The following COQ7 variants were observed in gnomAD, a reference collection of about 807,000 sequenced individuals.
COQ7 encodes the protein coenzyme Q7, hydroxylase.
COQ7 carries 21 observed loss-of-function variants against 25.0 expected under a neutral mutation model. That is an observed-to-expected ratio of 0.84 (90% CI 0.60 to 1.21). The LOEUF is 1.21. Among genes scored for constraint, COQ7 ranks in the 50% most tolerant of loss-of-function variants. COQ7 has a pLI of 0.00. For missense variants in COQ7, 311 were observed against 296.2 expected (o/e 1.05, Z -0.37); for synonymous variants, 125 against 112.4 (o/e 1.11, Z -0.71).
chr16:19,068,896 A>G (rs1221977556), intron 1 of COQ7: 3 of 316,674 alleles, frequency 9.5e-6, no homozygotes, highest in Non-Finnish European at 1.9e-5. Context: ...ATCATTAAAA[A>G]AAAACAAACA....
At chr16:19,073,307 T>TCAAAAAAA in intron 2 of COQ7, among the ~76,000 whole-genome samples, 1 of 16,496 alleles carries the variant, frequency 6.1e-5, no homozygotes, top group Non-Finnish European at 2.3e-4. Flanking sequence ...AGACTCCGTC[T>TCAAAAAAA]CAAAAAAACA....
intron 3 of COQ7, among the ~76,000 whole-genome samples, chr16:19,074,425 T>C (rs1356617441): frequency 1.3e-5 from 2 of 151,954 alleles, no homozygotes; most frequent in Non-Finnish European, 2.9e-5. Context: ...CTTGGGAGGC[T>C]GAGGCCAGAG....
At position 19,078,998 on chromosome 16, in the gene COQ7, T is replaced by G. The variant is rs1963005079; in HGVS notation, c.*840T>G. ...CTGTGTCTCCCTAGAATTCATACGA[T>G]GAAATCTTCACTCTCAAGTTGATAG... is the stretch of plus-strand genomic sequence containing the variant. On this transcript the variant is annotated 3_prime_UTR_variant, in exon 6 of 6. Coordinates refer to ENST00000321998, the MANE Select transcript of COQ7 (RefSeq NM_016138.5). 1 of 152,140 alleles carries G rather than the reference T, an allele frequency of 6.6e-6. No homozygotes were observed. The highest frequency in any genetic ancestry group is 1.5e-5 in the Non-Finnish European group (1 of 68,018). 9.4% of individuals were successfully genotyped at this position (152,140 alleles called of 1,614,324 possible).
At chr16:19,074,119 C>A in intron 3 of COQ7, 84 bp downstream of exon 3, 1 of 1,027,004 alleles carries the variant, frequency 9.7e-7, no homozygotes, top group Non-Finnish European at 1.5e-6. Flanking sequence ...ACAATTCTTG[C>A]TGTGTCCTCT....
At position 19,079,793 on chromosome 16, in the gene COQ7, G is replaced by A. The variant is rs965185010; in HGVS notation, c.*1635G>A. On this transcript the variant is annotated 3_prime_UTR_variant, in exon 6 of 6. Coordinates refer to ENST00000321998, the MANE Select transcript of COQ7 (RefSeq NM_016138.5). Reference sequence around the variant, plus strand: ...GCCCCACCAGGGTCTGGCTTTGAAGGGTAGTGGACACCAGGATCCTTTGGA... The same window carrying A: ...GCCCCACCAGGGTCTGGCTTTGAAGAGTAGTGGACACCAGGATCCTTTGGA... The A allele has an allele frequency of 6.6e-6, 1 of 152,148 alleles. No individual in the cohort carries two copies. The highest frequency in any genetic ancestry group is 2.4e-5 in the African/African-American group (1 of 41,422). 9.4% of individuals were successfully genotyped at this position (152,148 alleles called of 1,614,324 possible).
chr16:19,074,087 A>C, intron 3 of COQ7, 52 bp downstream of exon 3: 1 of 1,317,180 alleles, frequency 7.6e-7, no homozygotes, highest in Non-Finnish European at 1.1e-6. Context: ...TAGGATGATT[A>C]AATCCTTCAG....
At chr16:19,074,084 A>T (rs1285170447) in intron 3 of COQ7, 49 bp downstream of exon 3, 2 of 1,335,588 alleles carry the variant, frequency 1.5e-6, no homozygotes, top group Non-Finnish European at 2.1e-6. Flanking sequence ...ATCTAGGATG[A>T]TTAAATCCTT....
In COQ7 at chr16:19,067,635, A is replaced by G. The variant is rs973847493; in HGVS notation, c.-30A>G. The G allele has an allele frequency of 2.5e-6, 4 of 1,613,370 alleles. No homozygotes were observed. Among genetic ancestry groups the G allele is most frequent in the African/African-American group, 2.7e-5 (2 of 74,900 alleles). On this transcript the variant is annotated 5_prime_UTR_variant, in exon 1 of 6. Coordinates refer to ENST00000321998, the MANE Select transcript of COQ7 (RefSeq NM_016138.5). ...GGGCACTATTGGCCAGTTCCGTTCA[A>G]CGAAGTGGTTGCTTTTTTTAGTTCC...
downstream of COQ7, among the ~76,000 whole-genome samples, chr16:19,082,663 G>C (rs188607195): frequency 5.3e-5 from 8 of 151,886 alleles, no homozygotes; most frequent in East Asian, 1.5e-3. Flanking sequence ...AGCTACTCAC[G>C]AGCTGAGGCA....
intron 5 of COQ7, 88 bp from the exon 6 acceptor site, chr16:19,077,993 A>G: frequency 1.1e-6 from 1 of 933,824 alleles, no homozygotes; most frequent in South Asian, 1.7e-5. Context: ...TATCCAGAGA[A>G]ATCCAAAGCC....
intron 1 of COQ7, among the ~76,000 whole-genome samples, chr16:19,070,782 G>A (rs925818961): frequency 7.3e-5 from 11 of 151,442 alleles, no homozygotes; most frequent in Admixed American, 5.9e-4. Flanking sequence ...AGTGCAGATC[G>A]AAGCTACCAT....
At chr16:19,075,163 T>TC (rs1241642343) in intron 3 of COQ7, among the ~76,000 whole-genome samples, 1 of 151,422 alleles carries the variant, frequency 6.6e-6, no homozygotes, top group Non-Finnish European at 1.5e-5. Flanking sequence ...GGTGAGTTTG[T>TC]CCCCCTGATG....
At position 19,077,604 on chromosome 16, in the gene COQ7, T is replaced by TTTTTTTTTTTTTTTTTC. The variant is rs1555522742; in HGVS notation, c.576+230_576+231insTTTTTTTTTTTTTTTTC. On this transcript the variant is annotated intron_variant, in intron 5 of 5. Coordinates refer to ENST00000321998, the MANE Select transcript of COQ7 (RefSeq NM_016138.5). The stretch of plus-strand genomic sequence containing the variant: ...TTCCCCAGAAGCTTTTTTTTTTTTT[T>TTTTTTTTTTTTTTTTTC]CCCAGACACAGTCTCACTCTGTCTC... Among the ~76,000 whole-genome samples, 7 of 143,720 alleles carry TTTTTTTTTTTTTTTTTC rather than the reference T, an allele frequency of 4.9e-5. 1 individual carries two copies. The highest frequency in any genetic ancestry group is 7.6e-5 in the Non-Finnish European group (5 of 65,890). The allele number at this position is 143,720 out of a possible 152,430, so 94.3% of individuals were successfully genotyped here.
chr16:19,077,590 C>CTTTTTTTTTTT (rs60523088), intron 5 of COQ7, among the ~76,000 whole-genome samples: 849 of 74,312 alleles, frequency 0.011, 144 homozygotes, highest in African/African-American at 0.034. Context: ...TCCCCAGAAG[C>CTTTTTTTTTTT]TTTTTTTTTT....
chr16:19,075,405 A>G (rs779647090), intron 3 of COQ7, among the ~76,000 whole-genome samples: 25 of 144,826 alleles, frequency 1.7e-4, no homozygotes, highest in Non-Finnish European at 3.5e-4. Context: ...TCACCATGTT[A>G]GCCAGGTTGG....
At chr16:19,073,849 C>G in intron 2 of COQ7, 72 bp from the exon 3 acceptor site, 12 of 1,117,008 alleles carry the variant, frequency 1.1e-5, no homozygotes, top group Non-Finnish European at 1.6e-5. Flanking sequence ...GCTTTGCTCC[C>G]TGTATGCCGC....
intron 1 of COQ7, among the ~76,000 whole-genome samples, chr16:19,070,131 T>C (rs1012599316): frequency 6.6e-6 from 1 of 152,116 alleles, no homozygotes; most frequent in Non-Finnish European, 1.5e-5. Flanking sequence ...GAGAGGATCA[T>C]GGCGAGGAGT....
chr16:19,082,133 T>C (rs1344583565), downstream of COQ7, among the ~76,000 whole-genome samples: 2 of 152,260 alleles, frequency 1.3e-5, no homozygotes, highest in South Asian at 2.1e-4. Flanking sequence ...AAAATGGCAA[T>C]ATACCCAAAC....
At chr16:19,082,317 A>G (rs1318778799), downstream of COQ7, among the ~76,000 whole-genome samples, 3 of 152,172 alleles carry the variant, frequency 2.0e-5, no homozygotes, top group African/African-American at 7.2e-5. Context: ...CTTAATGTCA[A>G]TGGAATGTAT....
Sources: gnomAD v4.1 joint callset for allele counts (sites outside exome capture counted in the v4.1 genomes callset) on GRCh38, gnomAD v4.1.1 for gene constraint, MANE v1.5 for transcripts, NCBI Gene and HGNC (gene_info 2026-07-23, HGNC 2026-07-21) for gene names.